The following TAF12 variants were observed in gnomAD, a reference collection of about 807,000 sequenced individuals.
TAF12 encodes transcription initiation factor TFIID subunit 12.
In TAF12, 3 loss-of-function variants were observed where a neutral mutation model predicts 20.8. That is an observed-to-expected ratio of 0.14 (90% CI 0.07 to 0.37). The LOEUF (loss-of-function observed/expected upper bound fraction) is 0.37, where lower values mean the gene tolerates loss of function less well. TAF12 is among the 10% of genes least tolerant of loss of function. The probability of loss-of-function intolerance (pLI) is 1.00; values close to 1 mark genes in which losing one functional copy is unlikely to be tolerated. For synonymous variants in TAF12, 69 were observed against 70.2 expected, an observed-to-expected ratio of 0.98 and a Z score of 0.09; for missense variants, 131 against 197.9, an observed-to-expected ratio of 0.66 and a Z score of 2.03.
intron 1 of TAF12, among the ~76,000 whole-genome samples, chr1:28,624,679 A>G (rs756073970): frequency 1.3e-5 from 2 of 152,058 alleles, no homozygotes; most frequent in Non-Finnish European, 2.9e-5. Flanking sequence ...CTCAGGAGGC[A>G]GAGGTTGCAG....
intron 4 of TAF12, among the ~76,000 whole-genome samples, chr1:28,605,914 G>C (rs1003980435): frequency 7.2e-5 from 11 of 152,164 alleles, no homozygotes; most frequent in Non-Finnish European, 1.6e-4. Flanking sequence ...TATGCCACAG[G>C]CTCATTTGCC....
intron 3 of TAF12, 139 bp from the exon 4 acceptor site, chr1:28,613,500 T>A: frequency 1.5e-6 from 1 of 680,370 alleles, no homozygotes; most frequent in South Asian, 2.0e-5. Context: ...TGGGCTAAGG[T>A]GGGGAAGAGG....
upstream of TAF12, among the ~76,000 whole-genome samples, chr1:28,647,097 G>A (rs1244743258): frequency 6.6e-6 from 1 of 152,060 alleles, no homozygotes; most frequent in Non-Finnish European, 1.5e-5. Context: ...GCTTCCCAAA[G>A]TGCTGGGATT....
chr1:28,647,847 C>T (rs1424611602), upstream of TAF12, among the ~76,000 whole-genome samples: 1 of 149,406 alleles, frequency 6.7e-6, no homozygotes, highest in African/African-American at 2.5e-5. Flanking sequence ...GCACTGCAGC[C>T]TGGGCGACAG....
At chr1:28,637,264 G>C (rs1667866456) in intron 1 of TAF12, among the ~76,000 whole-genome samples, 1 of 152,028 alleles carries the variant, frequency 6.6e-6, no homozygotes, top group Non-Finnish European at 1.5e-5. Flanking sequence ...TTTTGAGACA[G>C]AGTTTTGCTC....
At chr1:28,619,382 C>A (rs1416351762) in intron 2 of TAF12, among the ~76,000 whole-genome samples, 1 of 150,302 alleles carries the variant, frequency 6.7e-6, no homozygotes, top group Non-Finnish European at 1.5e-5. Flanking sequence ...CCTGTAGTCC[C>A]AGCTACTTGG....
chr1:28,647,706 C>G (rs527308894), upstream of TAF12, among the ~76,000 whole-genome samples: 12 of 152,192 alleles, frequency 7.9e-5, no homozygotes, highest in Non-Finnish European at 1.5e-4. Context: ...ACCCCCGTCT[C>G]TACTAAAAAT....
At chr1:28,639,076 G>A (rs1667943696) in intron 1 of TAF12, among the ~76,000 whole-genome samples, 1 of 151,626 alleles carries the variant, frequency 6.6e-6, no homozygotes, top group South Asian at 2.1e-4. Flanking sequence ...CGCCCGGCTG[G>A]CCTATTTTAA....
At chr1:28,610,831 G>A (rs568263438) in intron 4 of TAF12, among the ~76,000 whole-genome samples, 1 of 151,914 alleles carries the variant, frequency 6.6e-6, no homozygotes, top group East Asian at 1.9e-4. Flanking sequence ...ATGGTGGCGT[G>A]TGCCTGTAGT....
chr1:28,628,355 ACT>A (rs571002551), intron 1 of TAF12, among the ~76,000 whole-genome samples: 108 of 150,864 alleles, frequency 7.2e-4, no homozygotes, highest in African/African-American at 2.6e-3. Flanking sequence ...ACAGAGCAAG[ACT>A]CTGTCTCAAA....
chr1:28,608,532 T>C (rs1666747063), intron 4 of TAF12, among the ~76,000 whole-genome samples: 1 of 152,030 alleles, frequency 6.6e-6, no homozygotes, highest in African/African-American at 2.4e-5. Context: ...GGTAGGCAGA[T>C]TGCCTGAGCT....
chr1:28,634,805 T>G (rs1020889655), intron 1 of TAF12, among the ~76,000 whole-genome samples: 2 of 152,054 alleles, frequency 1.3e-5, no homozygotes, highest in African/African-American at 2.4e-5. Context: ...GGGGTATTCC[T>G]GTAATCCCAG....
upstream of TAF12, among the ~76,000 whole-genome samples, chr1:28,647,576 A>T (rs369873406): frequency 7.4e-4 from 113 of 152,076 alleles, no homozygotes; most frequent in South Asian, 2.7e-3. Flanking sequence ...CATTATCCAT[A>T]AAAAAAATGG....
At chr1:28,635,143 T>A (rs1375155532) in intron 1 of TAF12, among the ~76,000 whole-genome samples, 2 of 147,630 alleles carry the variant, frequency 1.4e-5, no homozygotes, top group Admixed American at 1.4e-4. Flanking sequence ...AGCAGGAGAA[T>A]AGCGCGAACC....
At position 28,633,022 on chromosome 1, in the gene TAF12, C is replaced by A. The variant is rs193199519; in HGVS notation, c.-85+9970G>T. On this transcript the variant is annotated intron_variant, in intron 1 of 5. Coordinates refer to ENST00000373824, the MANE Select transcript of TAF12 (RefSeq NM_005644.4). ...CGGATTACAGGTATACACCACCATG[C>A]CCAGCTATTTTTTTTTTTATTTAGT... is the stretch of plus-strand genomic sequence containing the variant. 1.4e-4 allele frequency among the ~76,000 whole-genome samples: 21 copies of A among 151,896 alleles called. No individual in the cohort carries two copies. The East Asian group carries it at 3.9e-3, about 28-fold the overall frequency.
At chr1:28,635,659 T>A (rs974271850) in intron 1 of TAF12, among the ~76,000 whole-genome samples, 5 of 152,010 alleles carry the variant, frequency 3.3e-5, no homozygotes, top group Non-Finnish European at 5.9e-5. Context: ...AAGCCCTAAT[T>A]GCTTCCCTTT....
intron 1 of TAF12, among the ~76,000 whole-genome samples, chr1:28,627,431 C>T (rs1433312539): frequency 2.3e-4 from 34 of 149,734 alleles, no homozygotes; most frequent in Admixed American, 1.5e-3. Context: ...CGGTGGCTCA[C>T]GCTTGTAATC....
chr1:28,627,509 C>T (rs1476314343), intron 1 of TAF12, among the ~76,000 whole-genome samples: 34 of 150,842 alleles, frequency 2.3e-4, no homozygotes, highest in African/African-American at 7.5e-4. Flanking sequence ...CTGGCTAACA[C>T]GGTGAAACCC....
chr1:28,618,121 T>C (rs539246996), intron 2 of TAF12, 91 bp from the exon 3 acceptor site: 23 of 1,273,852 alleles, frequency 1.8e-5, no homozygotes, highest in Non-Finnish European at 2.2e-5. Flanking sequence ...GTCAAATTGT[T>C]GGTTTTAGTT....
Sources: allele counts gnomAD v4.1 joint callset (sites outside exome capture counted in the v4.1 genomes callset), GRCh38; gene constraint gnomAD v4.1.1; transcripts MANE v1.5; gene names NCBI Gene and HGNC (gene_info 2026-07-23, HGNC 2026-07-21).